TBC1D31: variants seen among roughly 807,000 people sequenced by gnomAD.
TBC1D31 encodes WD repeat domain 67.
Under a neutral mutation model 132.9 loss-of-function variants are expected in TBC1D31, and 99 were observed. The observed-to-expected ratio is 0.74, with a 90% CI of 0.63 to 0.88. The LOEUF is 0.88. Ranked by LOEUF, TBC1D31 falls within the 40% of genes least tolerant of loss-of-function variation. The pLI, the probability that TBC1D31 is intolerant of heterozygous loss-of-function variation, is 0.00. For synonymous variants in TBC1D31, 385 were observed against 419.4 expected, an observed-to-expected ratio of 0.92 and a Z score of 1.00; for missense variants, 1,134 against 1,256.6, an observed-to-expected ratio of 0.90 and a Z score of 1.48.
At chr8:123,161,391 G>C in the TBC1D31 span, among the ~76,000 whole-genome samples, 831 of 152,288 alleles carry the variant, frequency 5.5e-3, 9 homozygotes, top group African/African-American at 0.019. Context: ...TAAGCGCCTT[G>C]CCGGCGGTGG....
chr8:123,113,211 A>C (rs999643280), intron 10 of TBC1D31, among the ~76,000 whole-genome samples: 1 of 152,218 alleles, frequency 6.6e-6, no homozygotes, highest in Non-Finnish European at 1.5e-5. Flanking sequence ...GTAACTGTTT[A>C]AGGTATCTAA....
intron 11 of TBC1D31, among the ~76,000 whole-genome samples, chr8:123,124,374 T>G (rs1038851859): frequency 2.6e-5 from 4 of 152,176 alleles, no homozygotes; most frequent in Admixed American, 2.6e-4. Flanking sequence ...TCTCTGTATT[T>G]TGCTATCTGT....
rs531793957 is a variant in TBC1D31, at chr8:123,085,921, C to A, written c.519+1581C>A. Among the ~76,000 whole-genome samples, 16 of 152,304 alleles carry A rather than the reference C, an allele frequency of 1.1e-4. No homozygotes were observed. The South Asian group carries it at 3.3e-3, about 32-fold the overall frequency. Reference sequence around the variant, plus strand: ...CACAGATGCCCCAGTTTGGTTCTATCATTTCTTTTAACAGACAAGCCACAT... The same window carrying A: ...CACAGATGCCCCAGTTTGGTTCTATAATTTCTTTTAACAGACAAGCCACAT... On this transcript the variant is annotated intron_variant, in intron 4 of 21. Transcript: ENST00000287380.
rs1248194522 is a variant in TBC1D31, at chr8:123,105,355, A to G, written c.1100A>G (p.Lys367Arg). 1 of 1,610,992 alleles carries G rather than the reference A, an allele frequency of 6.2e-7. No homozygotes were observed. Among genetic ancestry groups the G allele is most frequent in the East Asian group, 2.2e-5 (1 of 44,786 alleles). The change falls in exon 8 of 22, where the codon AAG becomes AGG. Residue 367 changes from lysine to arginine, a missense_variant. Coordinates refer to ENST00000287380, the MANE Select transcript of TBC1D31 (RefSeq NM_145647.4). ...AATAAACTGAGTTCCAGTGATCTTA[A>G]GATGAAAGTAACATCAGGGAGAGTA... ...PKNKLSSSDL[K>R]MKVTSGRVQQ...
At chr8:123,130,404 C>A in intron 16 of TBC1D31, 71 bp downstream of exon 16, 1 of 1,374,110 alleles carries the variant, frequency 7.3e-7, no homozygotes. Flanking sequence ...TGAACACCTT[C>A]AAATTAAATA....
chr8:123,093,706 G>A lies in TBC1D31; in HGVS notation c.635G>A (p.Ser212Asn), dbSNP rs1816570494. 1 of 1,609,700 alleles carries A rather than the reference G, an allele frequency of 6.2e-7. No individual in the cohort carries two copies. The highest frequency in any genetic ancestry group is 1.3e-5 in the African/African-American group (1 of 74,852). Residue 212 changes from serine (S) to asparagine (N), a missense_variant, in exon 5 of 22, where the codon AGC becomes AAC. Ser to Asn is a conservative substitution (Grantham distance 46). Coordinates refer to ENST00000287380, the MANE Select transcript of TBC1D31 (RefSeq NM_145647.4). ...TATCAATTGCCAGCTCCACCTGAAA[G>A]CTCTAGTATATTATACAAAGTGTTT... ...CKYQLPAPPE[S>N]SSILYKVFAV...
intron 19 of TBC1D31, among the ~76,000 whole-genome samples, chr8:123,143,826 G>C (rs1821927935): frequency 6.6e-6 from 1 of 152,144 alleles, no homozygotes; most frequent in Non-Finnish European, 1.5e-5. Context: ...TGACACTAGG[G>C]CTATACTGTG....
intron 4 of TBC1D31, among the ~76,000 whole-genome samples, chr8:123,091,446 T>C (rs1014360852): frequency 6.6e-5 from 10 of 152,234 alleles, no homozygotes; most frequent in Admixed American, 2.0e-4. Context: ...GCGTTCATTA[T>C]AGATTATAGA....
At position 123,085,575 on chromosome 8, in the gene TBC1D31, C is replaced by T. The variant is rs1458213470; in HGVS notation, c.519+1235C>T. 2.0e-5 allele frequency among the ~76,000 whole-genome samples: 3 copies of T among 152,168 alleles called. No individual in the cohort carries two copies. The East Asian group carries it at 5.8e-4, about 29-fold the overall frequency. On this transcript the variant is annotated intron_variant, in intron 4 of 21. Coordinates refer to ENST00000287380, the MANE Select transcript of TBC1D31 (RefSeq NM_145647.4). ...TCAGCCTCCCAAGTAGCTGGGACTA[C>T]AGGTGCCTGCCACCAGGCCCGGCTA... is the stretch of plus-strand genomic sequence containing the variant.
intron 17 of TBC1D31, among the ~76,000 whole-genome samples, chr8:123,135,713 C>G (rs1343987168): frequency 6.6e-6 from 1 of 152,160 alleles, no homozygotes; most frequent in African/African-American, 2.4e-5. Context: ...CCATTTACAC[C>G]TATAACACTT....
intron 10 of TBC1D31, among the ~76,000 whole-genome samples, chr8:123,110,615 C>T (rs534704641): frequency 2.0e-5 from 3 of 152,156 alleles, no homozygotes; most frequent in East Asian, 3.9e-4. Flanking sequence ...TAGCCAATCA[C>T]GTTGGGTGAA....
intron 6 of TBC1D31, among the ~76,000 whole-genome samples, chr8:123,098,091 A>G (rs1209542184): frequency 1.3e-5 from 2 of 152,172 alleles, no homozygotes; most frequent in Admixed American, 6.6e-5. Flanking sequence ...ATACATATGC[A>G]TGTATGTATA....
Position 123,109,386 on chromosome 8 carries a change from A to G in TBC1D31, c.1279A>G (p.Thr427Ala). Residue 427 changes from threonine (T) to alanine (A), a missense_variant, in exon 9 of 22, where the codon ACA becomes GCA. Coordinates refer to ENST00000287380, the MANE Select transcript of TBC1D31 (RefSeq NM_145647.4). ...ATTAAAAGGCTATGGTGAATATCCA[A>G]CAAAATACAGGTACAATTTAAATTC... ...ILLKGYGEYP[T>A]KYRMFIWRSL... 2 of 1,611,020 alleles carry G rather than the reference A, an allele frequency of 1.2e-6. No homozygotes were observed. Among genetic ancestry groups the G allele is most frequent in the East Asian group, 2.2e-5 (1 of 44,828 alleles).
Position 123,120,181 on chromosome 8 carries a change from T to C in TBC1D31, c.1563T>C (p.Thr521=). Residue 521 remains threonine (T), a synonymous_variant, in exon 11 of 22, where the codon ACT becomes ACC. Coordinates refer to ENST00000287380, the MANE Select transcript of TBC1D31 (RefSeq NM_145647.4). The stretch of plus-strand genomic sequence containing the variant: ...TCATCTGTTTTGAAGTTATTGCTAC[T>C]CTCATAAGTAAGTAAATACTTGTTA... ...NQLICFEVIA[T]LIINWCQHWF... is the part of the protein sequence containing the mutation. The C allele has an allele frequency of 6.3e-7, 1 of 1,598,844 alleles. No homozygotes were observed. The highest frequency in any genetic ancestry group is 8.5e-7 in the Non-Finnish European group (1 of 1,173,328).
intron 4 of TBC1D31, among the ~76,000 whole-genome samples, chr8:123,088,074 A>G (rs1163531339): frequency 6.6e-6 from 1 of 152,160 alleles, no homozygotes; most frequent in Non-Finnish European, 1.5e-5. Context: ...CTGTAATCCC[A>G]GCTACTGGGG....
intron 17 of TBC1D31, among the ~76,000 whole-genome samples, chr8:123,135,872 G>A (rs184145314): frequency 3.3e-5 from 5 of 152,262 alleles, no homozygotes; most frequent in African/African-American, 9.6e-5. Flanking sequence ...AGTGGCAATC[G>A]AAGGGTATAA....
intron 11 of TBC1D31, among the ~76,000 whole-genome samples, chr8:123,120,796 T>G (rs1330926558): frequency 6.6e-6 from 1 of 152,120 alleles, no homozygotes; most frequent in Non-Finnish European, 1.5e-5. Flanking sequence ...TTTTCCACAC[T>G]TTTAAAGCAG....
the TBC1D31 span, among the ~76,000 whole-genome samples, chr8:123,160,378 T>C: frequency 1.1e-4 from 16 of 151,614 alleles, no homozygotes; most frequent in African/African-American, 3.6e-4. Context: ...CGTACCTTAA[T>C]TTAAAAGGCG....
At chr8:123,135,149 C>G (rs1820966091) in intron 17 of TBC1D31, among the ~76,000 whole-genome samples, 1 of 152,202 alleles carries the variant, frequency 6.6e-6, no homozygotes, top group Admixed American at 6.5e-5. Flanking sequence ...ATCTGCACAC[C>G]TCGGCCTCCC....
Sources: allele counts gnomAD v4.1 joint callset (sites outside exome capture counted in the v4.1 genomes callset), GRCh38; gene constraint gnomAD v4.1.1; transcripts MANE v1.5; gene names NCBI Gene and HGNC (gene_info 2026-07-23, HGNC 2026-07-21).